The following PCP4 variants were observed in gnomAD, a reference collection of about 807,000 sequenced individuals.
PCP4 encodes Purkinje cell protein 4, also known as calmodulin regulator protein PCP4.
Under a neutral mutation model 10.0 loss-of-function variants are expected in PCP4, and 8 were observed. The observed-to-expected ratio is 0.80, with a 90% confidence interval of 0.47 to 1.45. The LOEUF (loss-of-function observed/expected upper bound fraction) is 1.45, where lower values mean the gene tolerates loss of function less well. Ranked by LOEUF, PCP4 falls within the 40% of genes most tolerant of loss-of-function variation. PCP4 has a pLI of 0.00. For missense variants in PCP4, 54 were observed against 74.4 expected, an observed-to-expected ratio of 0.73 and a Z score of 1.01; for synonymous variants, 21 against 23.0, an observed-to-expected ratio of 0.91 and a Z score of 0.24.
intron 2 of PCP4, among the ~76,000 whole-genome samples, chr21:39,928,590 C>G (rs768282421): frequency 3.7e-4 from 56 of 152,164 alleles, no homozygotes; most frequent in Non-Finnish European, 6.6e-4. Context: ...ACTCTGCTGA[C>G]TCAGTAATTG....
At chr21:39,889,411 CTTTTT>C (rs547540626) in intron 1 of PCP4, among the ~76,000 whole-genome samples, 5 of 85,686 alleles carry the variant, frequency 5.8e-5, no homozygotes, top group Non-Finnish European at 6.3e-5. Flanking sequence ...AAACCAAGTT[CTTTTT>C]TTTTTTTTTT....
At chr21:39,904,940 G>T (rs2087499279) in intron 2 of PCP4, among the ~76,000 whole-genome samples, 2 of 152,166 alleles carry the variant, frequency 1.3e-5, no homozygotes, top group South Asian at 4.1e-4. Flanking sequence ...ACGTGTGTCA[G>T]AAATGTCAGA....
chr21:39,889,841 T>C (rs2087421274), intron 1 of PCP4, among the ~76,000 whole-genome samples: 1 of 152,234 alleles, frequency 6.6e-6, no homozygotes, highest in Non-Finnish European at 1.5e-5. Flanking sequence ...TCATTTCACA[T>C]TTCATACTCT....
chr21:39,923,869 C>T lies in PCP4; in HGVS notation c.62-5115C>T, dbSNP rs559273595. Among the ~76,000 whole-genome samples the T allele has an allele frequency of 1.9e-4, 29 of 152,318 alleles. No individual in the cohort carries two copies. The Middle Eastern group carries it at 0.01, about 54-fold the overall frequency. On this transcript the variant is annotated intron_variant, in intron 2 of 2. Transcript: ENST00000328619. ...ACTAGGAGGGCGTGGTGTGTGCCCT[C>T]GTAGCTAAGGAGAATGTCCTTTTGT...
chr21:39,884,205 A>G (rs1319131454), intron 1 of PCP4, among the ~76,000 whole-genome samples: 3 of 150,532 alleles, frequency 2.0e-5, no homozygotes, highest in African/African-American at 7.3e-5. Context: ...GAGAGATGGA[A>G]TTTCTCTTTT....
chr21:39,880,166 A>C (rs1022027148), intron 1 of PCP4, among the ~76,000 whole-genome samples: 1 of 142,886 alleles, frequency 7.0e-6, no homozygotes, highest in Admixed American at 6.7e-5. Context: ...ATCTATATCT[A>C]TATCTATATC....
chr21:39,882,539 G>A (rs752666751), intron 1 of PCP4, among the ~76,000 whole-genome samples: 6 of 152,308 alleles, frequency 3.9e-5, no homozygotes, highest in East Asian at 1.9e-4. Flanking sequence ...TTTGTAATCC[G>A]GGAAGACCCC....
chr21:39,879,628 C>T (rs1284708132), intron 1 of PCP4, among the ~76,000 whole-genome samples: 1 of 152,160 alleles, frequency 6.6e-6, no homozygotes, highest in Admixed American at 6.5e-5. Flanking sequence ...CTCCTTAATG[C>T]CCCCATTAGT....
At chr21:39,888,309 C>CG (rs914400228) in intron 1 of PCP4, among the ~76,000 whole-genome samples, 12 of 151,988 alleles carry the variant, frequency 7.9e-5, no homozygotes, top group Admixed American at 3.3e-4. Context: ...ACGTTGGGAA[C>CG]GGGGGGCAAA....
intron 2 of PCP4, among the ~76,000 whole-genome samples, chr21:39,905,150 C>T (rs2087500587): frequency 6.6e-6 from 1 of 152,142 alleles, no homozygotes; most frequent in African/African-American, 2.4e-5. Flanking sequence ...ACCAGAGGCA[C>T]ATGGGTGGTG....
intron 2 of PCP4, among the ~76,000 whole-genome samples, chr21:39,914,189 A>C (rs962503984): frequency 6.6e-6 from 1 of 152,190 alleles, no homozygotes; most frequent in African/African-American, 2.4e-5. Flanking sequence ...CCCATTGTTC[A>C]TGAAGCTCTT....
intron 1 of PCP4, among the ~76,000 whole-genome samples, chr21:39,888,567 A>C (rs1231513424): frequency 6.6e-6 from 1 of 152,194 alleles, no homozygotes; most frequent in Non-Finnish European, 1.5e-5. Context: ...GGGGACAGTC[A>C]GTGGTTGGCA....
chr21:39,920,523 T>C (rs9978253), intron 2 of PCP4, among the ~76,000 whole-genome samples: 137,527 of 152,092 alleles, frequency 0.9, 62,375 homozygotes, highest in Middle Eastern at 0.95. Context: ...GCTGTGGTGA[T>C]TTATTGCTGG....
chr21:39,871,342 G>A (rs2087319077), intron 1 of PCP4, among the ~76,000 whole-genome samples: 1 of 152,180 alleles, frequency 6.6e-6, no homozygotes. Context: ...CAACGTAAGG[G>A]TAAACTCAAA....
intron 2 of PCP4, among the ~76,000 whole-genome samples, chr21:39,914,201 G>A (rs2087556827): frequency 6.6e-6 from 1 of 152,070 alleles, no homozygotes; most frequent in South Asian, 2.1e-4. Flanking sequence ...GAAGCTCTTG[G>A]GGGCTCTTAC....
In PCP4 at chr21:39,869,167, C is replaced by A. The variant is rs146782399; in HGVS notation, c.9+1657C>A. On this transcript the variant is annotated intron_variant, in intron 1 of 2. Coordinates refer to ENST00000328619, the MANE Select transcript of PCP4 (RefSeq NM_006198.3). ...AAAGCAGCACAGCACTGAGGGGTGG[C>A]CTCTCGGGTCAAGTCAGCTACCCTG... Among the ~76,000 whole-genome samples the A allele has an allele frequency of 2.0e-5, 3 of 152,260 alleles. No homozygotes were observed. The East Asian group carries it at 5.8e-4, about 30-fold the overall frequency.
chr21:39,876,317 T>C (rs2146325813), intron 1 of PCP4, among the ~76,000 whole-genome samples: 1 of 152,250 alleles, frequency 6.6e-6, no homozygotes, highest in South Asian at 2.1e-4. Context: ...ATTTCTTACC[T>C]CTATCAGTTT....
At chr21:39,911,043 T>G (rs1359790900) in intron 2 of PCP4, among the ~76,000 whole-genome samples, 1 of 152,232 alleles carries the variant, frequency 6.6e-6, no homozygotes, top group East Asian at 1.9e-4. Context: ...GCTGTCTCTT[T>G]CCTGGGACAG....
intron 2 of PCP4, among the ~76,000 whole-genome samples, chr21:39,902,515 C>A (rs62236563): frequency 0.14 from 20,683 of 152,094 alleles, 1,624 homozygotes; most frequent in Middle Eastern, 0.23. Flanking sequence ...ATTTCTCATA[C>A]ATTCAATATT....
Sources: allele counts gnomAD v4.1 joint callset (sites outside exome capture counted in the v4.1 genomes callset), GRCh38; gene constraint gnomAD v4.1.1; transcripts MANE v1.5; gene names NCBI Gene and HGNC (gene_info 2026-07-23, HGNC 2026-07-21).